The following MANSC1 variants were observed in gnomAD, a reference collection of about 807,000 sequenced individuals.
MANSC1 encodes the protein MANSC domain containing 1, also known as MANSC domain-containing protein 1.
In MANSC1, 13 loss-of-function variants were observed where a neutral mutation model predicts 14.1. The ratio of observed to expected loss-of-function variants is 0.92; its 90% CI spans 0.60 to 1.46. The LOEUF (loss-of-function observed/expected upper bound fraction) is 1.46. Among genes scored for constraint, MANSC1 ranks in the 40% most tolerant of loss-of-function variants. The probability of loss-of-function intolerance (pLI) is 0.00; values close to 1 mark genes in which losing one functional copy is unlikely to be tolerated. For synonymous variants in MANSC1, 227 were observed against 200.7 expected (o/e 1.13, Z -1.11); for missense variants, 486 against 511.4 (o/e 0.95, Z 0.48).
chr12:12,344,920 T>C (rs1376201543), intron 1 of MANSC1, among the ~76,000 whole-genome samples: 1 of 18,336 alleles, frequency 5.5e-5, no homozygotes, highest in African/African-American at 2.7e-4. Flanking sequence ...AACTCCCATA[T>C]ATATATATAT....
chr12:12,335,110 C>T (rs1814956329), intron 3 of MANSC1, among the ~76,000 whole-genome samples: 1 of 152,120 alleles, frequency 6.6e-6, no homozygotes, highest in African/African-American at 2.4e-5. Context: ...AGGACTTGGC[C>T]TTGATGGTTC....
intron 1 of MANSC1, chr12:12,348,323 A>C (rs1863034182): frequency 6.6e-6 from 1 of 152,250 alleles, no homozygotes; most frequent in Non-Finnish European, 1.5e-5. Flanking sequence ...CCATCAATAG[A>C]TGAATAAACA....
Position 12,344,599 on chromosome 12 carries a change from A to C in MANSC1, c.-100-1185T>G, listed in dbSNP as rs1448781072. 3.3e-5 allele frequency among the ~76,000 whole-genome samples: 5 copies of C among 151,342 alleles called. No homozygotes were observed. The East Asian group carries it at 9.8e-4, about 30-fold the overall frequency. On this transcript the variant is annotated intron_variant, in intron 1 of 3. Coordinates refer to ENST00000535902, the MANE Select transcript of MANSC1 (RefSeq NM_018050.4). Reference sequence around the variant, plus strand: ...ATTCCCCTGCCTCAGCCTTCCGAGTAGCTGGGACTACAGACGCATGCCACC... The same window carrying C: ...ATTCCCCTGCCTCAGCCTTCCGAGTCGCTGGGACTACAGACGCATGCCACC...
chr12:12,341,819 C>T (rs966022252), intron 2 of MANSC1, among the ~76,000 whole-genome samples: 3 of 152,220 alleles, frequency 2.0e-5, no homozygotes, highest in African/African-American at 2.4e-5. Flanking sequence ...GGTGAAACCA[C>T]GTCTCTATTG....
At chr12:12,338,917 A>ACACACACACACACACACT (rs749773741) in intron 2 of MANSC1, 2 of 241,324 alleles carry the variant, frequency 8.3e-6, no homozygotes, top group Admixed American at 5.7e-5. Flanking sequence ...ACACACACAC[A>ACACACACACACACACACT]CCCCTAAGAC....
chr12:12,337,339 C>T (rs546096403), intron 3 of MANSC1, among the ~76,000 whole-genome samples: 10 of 151,980 alleles, frequency 6.6e-5, no homozygotes, highest in Admixed American at 2.0e-4. Context: ...AGGCGGATCA[C>T]GAGGTCAGGA....
At chr12:12,338,287 C>G in intron 3 of MANSC1, 133 bp downstream of exon 3, 1 of 718,132 alleles carries the variant, frequency 1.4e-6, no homozygotes, top group Non-Finnish European at 2.1e-6. Context: ...AATTGAATTT[C>G]CAGTCATGAG....
intron 1 of MANSC1, chr12:12,348,084 A>C (rs1191274772): frequency 2.6e-5 from 4 of 152,078 alleles, no homozygotes; most frequent in African/African-American, 4.8e-5. Context: ...AAAAAAAAGG[A>C]AAAATTCTCA....
rs529597358 is a variant in MANSC1 at position 12,335,904 on chromosome 12, C to T, written c.364+2516G>A. Among the ~76,000 whole-genome samples, 4 of 151,938 alleles carry T rather than the reference C, an allele frequency of 2.6e-5. No individual in the cohort carries two copies. In the South Asian group the frequency reaches 6.2e-4, roughly 24 times the overall value. On this transcript the variant is annotated intron_variant, in intron 3 of 3. Transcript: ENST00000535902. Reference sequence around the variant, plus strand: ...CACCACACACCTAAAAACTCCCGGCCGGGCACGGAGGCTCATGCCTGTAAT... The same window carrying T: ...CACCACACACCTAAAAACTCCCGGCTGGGCACGGAGGCTCATGCCTGTAAT...
At position 12,330,343 on chromosome 12, in the gene MANSC1, T is replaced by C. The variant is rs1862766844; in HGVS notation, c.980A>G (p.Asn327Ser). Residue 327 changes from asparagine (N) to serine (S), a missense_variant, in exon 4 of 4, where the codon AAC becomes AGC. Physicochemically the swap from Asn to Ser is conservative, Grantham distance 46 (BLOSUM62 1). Transcript: ENST00000535902. ...LETIPFTEISNLTLNTGNVYN... is the reference protein window; with the variant it reads ...LETIPFTEISSLTLNTGNVYN... ...CACATTCCCTGTGTTCAAAGTTAGG[T>C]TGGAGATTTCTGTAAACGGTATGGT... The C allele has an allele frequency of 2.5e-6, 4 of 1,614,180 alleles. No homozygotes were observed. The East Asian group carries it at 8.9e-5, about 36-fold the overall frequency.
chr12:12,335,183 C>T (rs1862841392), intron 3 of MANSC1, among the ~76,000 whole-genome samples: 1 of 152,074 alleles, frequency 6.6e-6, no homozygotes, highest in Non-Finnish European at 1.5e-5. Context: ...TTCGGAATAG[C>T]CCATATGTCC....
chr12:12,338,373 C>T, intron 3 of MANSC1, 47 bp downstream of exon 3: 1 of 1,500,904 alleles, frequency 6.7e-7, no homozygotes, highest in Non-Finnish European at 8.9e-7. Flanking sequence ...ATGAACCAGT[C>T]TTAAATTATT....
intron 1 of MANSC1, among the ~76,000 whole-genome samples, chr12:12,343,834 A>G (rs758188233): frequency 1.3e-5 from 2 of 152,154 alleles, no homozygotes; most frequent in Non-Finnish European, 2.9e-5. Context: ...ACTAGGGGCT[A>G]GGCGTGGTAG....
At chr12:12,333,360 A>T (rs1263000234) in intron 3 of MANSC1, among the ~76,000 whole-genome samples, 1 of 152,162 alleles carries the variant, frequency 6.6e-6, no homozygotes, top group Non-Finnish European at 1.5e-5. Context: ...AATTCATTTT[A>T]AAGTTAAAAA....
chr12:12,343,792 C>T (rs1346874252), intron 1 of MANSC1, among the ~76,000 whole-genome samples: 2 of 152,154 alleles, frequency 1.3e-5, no homozygotes, highest in African/African-American at 2.4e-5. Context: ...TTTCCTTTCT[C>T]AGTAATAACA....
chr12:12,346,956 A>G (rs1863016612), intron 1 of MANSC1, among the ~76,000 whole-genome samples: 1 of 151,482 alleles, frequency 6.6e-6, no homozygotes, highest in South Asian at 2.1e-4. Context: ...TGGAGGAAAT[A>G]TTTGAGGTGG....
Position 12,337,290 on chromosome 12 carries a change from A to T in MANSC1, c.364+1130T>A, listed in dbSNP as rs551813925. Among the ~76,000 whole-genome samples, 13 of 139,170 alleles carry T rather than the reference A, an allele frequency of 9.3e-5. No individual in the cohort carries two copies. The South Asian group carries it at 3.0e-3, about 32-fold the overall frequency. 91.3% of individuals were successfully genotyped at this position (139,170 alleles called of 152,430 possible). On this transcript the variant is annotated intron_variant, in intron 3 of 3. Transcript: ENST00000535902. ...AGACTCTCTCTCAAAAAACAACAACACTCATGCCTGTAATCCCAGCACTTT... is the reference window on the plus strand; with the variant it reads ...AGACTCTCTCTCAAAAAACAACAACTCTCATGCCTGTAATCCCAGCACTTT...
At chr12:12,346,830 CA>C (rs1325155805) in intron 1 of MANSC1, among the ~76,000 whole-genome samples, 6 of 152,028 alleles carry the variant, frequency 3.9e-5, no homozygotes, top group African/African-American at 1.4e-4. Flanking sequence ...TTTTTAAATA[CA>C]ATACCAAAAG....
At position 12,337,478 on chromosome 12, in the gene MANSC1, C is replaced by G. The variant is rs987869379; in HGVS notation, c.364+942G>C. ...CAGGAGGCTGAGGCGGGAGAATGGC[C>G]TGAACCCGGGAGGCGGAGCTTGCAG... On this transcript the variant is annotated intron_variant, in intron 3 of 3. Coordinates refer to ENST00000535902, the MANE Select transcript of MANSC1 (RefSeq NM_018050.4). 6.1e-5 allele frequency among the ~76,000 whole-genome samples: 9 copies of G among 147,764 alleles called. No homozygotes were observed. In the East Asian group the frequency reaches 1.8e-3, roughly 30 times the overall value.
Sources: gnomAD v4.1 joint callset for allele counts (sites outside exome capture counted in the v4.1 genomes callset) on GRCh38, gnomAD v4.1.1 for gene constraint, MANE v1.5 for transcripts, NCBI Gene and HGNC (gene_info 2026-07-23, HGNC 2026-07-21) for gene names.